EVA1A: variants seen among roughly 807,000 people sequenced by gnomAD.
EVA1A encodes protein eva-1 homolog A.
A neutral mutation model predicts 9.8 loss-of-function variants in EVA1A; 7 were observed. That is an observed-to-expected ratio of 0.71 (90% CI 0.41 to 1.34). The LOEUF is 1.34. EVA1A is among the 40% of genes most tolerant of loss of function. The probability of loss-of-function intolerance (pLI) is 0.01; values close to 1 mark genes in which losing one functional copy is unlikely to be tolerated. For missense variants in EVA1A, 206 were observed against 205.9 expected (o/e 1.00, Z 0.00); for synonymous variants, 90 against 85.6 (o/e 1.05, Z -0.28).
intron 1 of EVA1A, among the ~76,000 whole-genome samples, chr2:75,555,248 T>C (rs1676662586): frequency 6.6e-6 from 1 of 150,378 alleles, no homozygotes. Context: ...GCTGTTGACC[T>C]GCTGGATCAC....
At chr2:75,528,289 G>A (rs1675523140) in intron 1 of EVA1A, among the ~76,000 whole-genome samples, 1 of 152,200 alleles carries the variant, frequency 6.6e-6, no homozygotes, top group South Asian at 2.1e-4. Flanking sequence ...AATAGGAGGT[G>A]CAGATGAGCA....
chr2:75,525,198 A>G (rs950520560), intron 1 of EVA1A, among the ~76,000 whole-genome samples: 1 of 152,088 alleles, frequency 6.6e-6, no homozygotes, highest in Non-Finnish European at 1.5e-5. Flanking sequence ...TTCTTTCCAA[A>G]TCACTATCTC....
intron 1 of EVA1A, among the ~76,000 whole-genome samples, chr2:75,536,652 A>G (rs533340606): frequency 6.6e-6 from 1 of 152,364 alleles, no homozygotes; most frequent in South Asian, 2.1e-4. Flanking sequence ...GACAAAAAAT[A>G]GTAAGGAAAT....
upstream of EVA1A, among the ~76,000 whole-genome samples, chr2:75,563,764 C>T (rs1462424156): frequency 1.3e-5 from 2 of 152,174 alleles, no homozygotes; most frequent in African/African-American, 2.4e-5. Flanking sequence ...AAGTCCCATT[C>T]GCTTGTTATG....
upstream of EVA1A, chr2:75,561,343 A>G (rs976852478): frequency 6.6e-6 from 1 of 151,394 alleles, no homozygotes; most frequent in African/African-American, 2.4e-5. Flanking sequence ...TCAGACAGGA[A>G]ATAACCACTT....
intron 3 of EVA1A, among the ~76,000 whole-genome samples, chr2:75,509,760 A>T (rs979476230): frequency 1.3e-5 from 2 of 152,156 alleles, no homozygotes; most frequent in African/African-American, 2.4e-5. Flanking sequence ...CTTAAATAAT[A>T]CTTTGAGGTA....
intron 1 of EVA1A, chr2:75,569,460 C>T (rs11693431): frequency 0.01 from 1,541 of 152,768 alleles, 12 homozygotes; most frequent in Non-Finnish European, 0.016. Flanking sequence ...TCTCCATTTC[C>T]TAGATCCCCT....
chr2:75,567,682 C>T (rs965414296), intron 1 of EVA1A, among the ~76,000 whole-genome samples: 4 of 152,206 alleles, frequency 2.6e-5, no homozygotes, highest in East Asian at 1.9e-4. Context: ...TTCTAGAACA[C>T]GGTTTCCTTA....
At chr2:75,542,162 C>T (rs1240468010) in intron 1 of EVA1A, 4 of 154,098 alleles carry the variant, frequency 2.6e-5, no homozygotes, top group African/African-American at 7.2e-5. Context: ...ACTTGCTCCT[C>T]CTTGCCTTCT....
At chr2:75,516,186 C>T (rs1255313167) in intron 3 of EVA1A, among the ~76,000 whole-genome samples, 2 of 152,184 alleles carry the variant, frequency 1.3e-5, no homozygotes, top group African/African-American at 4.8e-5. Flanking sequence ...TGCTTCCAAT[C>T]CATTTATTTG....
intron 1 of EVA1A, 91 bp from the exon 2 acceptor site, chr2:75,522,578 G>A (rs1207176774): frequency 1.3e-5 from 2 of 152,266 alleles, no homozygotes; most frequent in Admixed American, 6.5e-5. Flanking sequence ...ACCCAGCAGA[G>A]AAGCTTTGGT....
chr2:75,495,473 T>G (rs1029281768), intron 3 of EVA1A, among the ~76,000 whole-genome samples: 1 of 152,228 alleles, frequency 6.6e-6, no homozygotes, highest in Non-Finnish European at 1.5e-5. Context: ...GTCTAGTGGC[T>G]TGTTCCAGGT....
rs141444101 is a variant in EVA1A, at chr2:75,525,511, A to G, written c.-191-3024T>C. On this transcript the variant is annotated intron_variant, in intron 1 of 3. Transcript: ENST00000393913. ...GCTTTGTGCTTCTAACGATTGCTCCAGCATGGAGACTATGAGCTCCTGGCT... is the reference window on the plus strand; with the variant it reads ...GCTTTGTGCTTCTAACGATTGCTCCGGCATGGAGACTATGAGCTCCTGGCT... Among the ~76,000 whole-genome samples the G allele has an allele frequency of 2.8e-4, 43 of 152,342 alleles. No homozygotes were observed. In the East Asian group the frequency reaches 6.4e-3, roughly 23 times the overall value.
rs1572939514 is a variant in EVA1A at position 75,493,153 on chromosome 2, G to C, written c.*83C>G. 1 of 1,500,460 alleles carries C rather than the reference G, an allele frequency of 6.7e-7. No homozygotes were observed. The highest frequency in any genetic ancestry group is 2.3e-5 in the East Asian group (1 of 44,018). 92.9% of individuals were successfully genotyped at this position (1,500,460 alleles called of 1,614,324 possible). A position where few individuals can be genotyped will look rare whatever the true frequency, so the allele number is the denominator to read the frequency against. On this transcript the variant is annotated 3_prime_UTR_variant, in exon 4 of 4. Coordinates refer to ENST00000393913, the MANE Select transcript of EVA1A (RefSeq NM_001135032.2). The stretch of plus-strand genomic sequence containing the variant: ...TGAAATCACAATATTAGCAGAGCTG[G>C]GTTCAGTTCCTTGTGCCCACTGTCC...
chr2:75,517,867 A>G (rs1385935424), intron 3 of EVA1A, 189 bp downstream of exon 3: 1 of 759,622 alleles, frequency 1.3e-6, no homozygotes, highest in African/African-American at 1.7e-5. Flanking sequence ...TTCATTTTTC[A>G]AATTAGAGAA....
chr2:75,513,725 C>A (rs1674903936), intron 3 of EVA1A, among the ~76,000 whole-genome samples: 1 of 152,108 alleles, frequency 6.6e-6, no homozygotes. Flanking sequence ...GGAGATACTG[C>A]CACTTGTGAC....
chr2:75,527,775 G>A (rs139719350), intron 1 of EVA1A, among the ~76,000 whole-genome samples: 4 of 152,274 alleles, frequency 2.6e-5, no homozygotes, highest in East Asian at 1.9e-4. Context: ...ATACAATAAT[G>A]AGGAGTGTTT....
Position 75,502,541 on chromosome 2 carries a change from T to C in EVA1A, c.86-8932A>G, listed in dbSNP as rs376440966. Among the ~76,000 whole-genome samples the C allele has an allele frequency of 1.9e-3, 283 of 152,156 alleles. 6 individuals carry two copies. Among genetic ancestry groups the C allele is most frequent in the African/African-American group, 6.6e-3 (274 of 41,490 alleles). ...TATACAGATATACATATTGCATACA[T>C]GCATGCACAAAGAGACATAGATATG... On this transcript the variant is annotated intron_variant, in intron 3 of 3. Transcript: ENST00000393913.
At chr2:75,533,777 A>G (rs1675767975) in intron 1 of EVA1A, among the ~76,000 whole-genome samples, 1 of 151,348 alleles carries the variant, frequency 6.6e-6, no homozygotes, top group African/African-American at 2.4e-5. Context: ...TCTCTAAAAA[A>G]TAATAATTAT....
Sources: gnomAD v4.1 joint callset for allele counts (sites outside exome capture counted in the v4.1 genomes callset) on GRCh38, gnomAD v4.1.1 for gene constraint, MANE v1.5 for transcripts, NCBI Gene and HGNC (gene_info 2026-07-23, HGNC 2026-07-21) for gene names.